C12orf50: variants seen among roughly 807,000 people sequenced by gnomAD.
C12orf50 encodes the protein uncharacterized protein C12orf50.
In C12orf50, 35 loss-of-function variants were observed where a neutral mutation model predicts 61.6. The ratio of observed to expected loss-of-function variants is 0.57; its 90% CI spans 0.43 to 0.75. The LOEUF is 0.75. Ranked by LOEUF, C12orf50 falls within the 30% of genes least tolerant of loss-of-function variation. The probability of loss-of-function intolerance (pLI) is 0.00; values close to 1 mark genes in which losing one functional copy is unlikely to be tolerated. For synonymous variants in C12orf50, 178 were observed against 161.5 expected (o/e 1.10, Z -0.77); for missense variants, 475 against 488.5 (o/e 0.97, Z 0.26).
rs1592649255 is a variant in C12orf50, at chr12:87,989,173, C to T, written c.700+91G>A. The T allele has an allele frequency of 4.7e-6, 4 of 845,976 alleles. No homozygotes were observed. The East Asian group carries it at 8.2e-5, about 17-fold the overall frequency. The allele number at this position is 845,976 out of a possible 1,614,324, so 52.4% of individuals were successfully genotyped here. The stretch of plus-strand genomic sequence containing the variant: ...TTCAGTGTATATTTTGATTTATTAC[C>T]ATTCCTCTATTGGTTTTTATAACAA... On this transcript the variant is annotated intron_variant, in intron 8 of 12. Coordinates refer to ENST00000298699, the MANE Select transcript of C12orf50 (RefSeq NM_152589.3).
At chr12:88,014,591 G>A (rs1171750640) in intron 3 of C12orf50, among the ~76,000 whole-genome samples, 2 of 152,126 alleles carry the variant, frequency 1.3e-5, no homozygotes, top group Admixed American at 6.5e-5. Flanking sequence ...GAGCCACCGC[G>A]CCTGGCTGAG....
intron 6 of C12orf50, among the ~76,000 whole-genome samples, 187 bp from the exon 7 acceptor site, chr12:87,994,930 A>T (rs924408892): frequency 2.6e-5 from 4 of 152,246 alleles, no homozygotes; most frequent in African/African-American, 9.6e-5. Flanking sequence ...CAAAGAAGTA[A>T]GCAAGTATAT....
At chr12:87,982,767 T>C (rs1254546109) in intron 12 of C12orf50, among the ~76,000 whole-genome samples, 4 of 148,490 alleles carry the variant, frequency 2.7e-5, no homozygotes, top group African/African-American at 1.0e-4. Context: ...TGTGTTAAAA[T>C]ACAGTTTTAC....
rs775915157 is a variant in C12orf50 at position 87,986,045 on chromosome 12, C to A, written c.931G>T (p.Ala311Ser). Residue 311 changes from alanine to serine, a missense_variant, in exon 11 of 13, where the codon GCC becomes TCC. Physicochemically the swap from Ala to Ser is moderately conservative, Grantham distance 99. Transcript: ENST00000298699. ...PNSGMQRAVQAPRPQNKMSYH... is the reference protein window; with the variant it reads ...PNSGMQRAVQSPRPQNKMSYH... Reference sequence around the variant, plus strand: ...CTCATTTTATTTTGGGGTCTTGGGGCCTGTACTGCTGTAAAGAAAGGTGGG... The same window carrying A: ...CTCATTTTATTTTGGGGTCTTGGGGACTGTACTGCTGTAAAGAAAGGTGGG... 3 of 1,613,530 alleles carry A rather than the reference C, an allele frequency of 1.9e-6. No homozygotes were observed. Among genetic ancestry groups the A allele is most frequent in the Non-Finnish European group, 2.5e-6 (3 of 1,179,676 alleles).
At chr12:88,019,576 G>A (rs2032438255) in intron 3 of C12orf50, among the ~76,000 whole-genome samples, 1 of 151,944 alleles carries the variant, frequency 6.6e-6, no homozygotes, top group Non-Finnish European at 1.5e-5. Flanking sequence ...TCACTGACAT[G>A]TGGATCATAT....
chr12:88,019,812 C>G (rs991733158), intron 3 of C12orf50, among the ~76,000 whole-genome samples: 22 of 152,060 alleles, frequency 1.4e-4, no homozygotes, highest in African/African-American at 5.3e-4. Flanking sequence ...ACCTACAAAG[C>G]GAAGTCCATC....
At chr12:87,981,846 CT>C (rs2030491099) in intron 12 of C12orf50, among the ~76,000 whole-genome samples, 1 of 152,066 alleles carries the variant, frequency 6.6e-6, no homozygotes. Context: ...TGTCTTCCCC[CT>C]AACCCAGATA....
intron 3 of C12orf50, among the ~76,000 whole-genome samples, chr12:88,022,634 T>C (rs951968333): frequency 6.6e-6 from 1 of 152,168 alleles, no homozygotes; most frequent in Admixed American, 6.5e-5. Context: ...AGTGCTTTGA[T>C]CTGATAAACA....
chr12:88,020,820 T>A (rs76331655), intron 3 of C12orf50, among the ~76,000 whole-genome samples: 12,214 of 147,130 alleles, frequency 0.083, 1,289 homozygotes, highest in African/African-American at 0.26. Flanking sequence ...AAAAAAAAAA[T>A]ACATCATACC....
At chr12:88,028,993 G>A (rs1258911180) in intron 1 of C12orf50, 2 of 810,812 alleles carry the variant, frequency 2.5e-6, no homozygotes, top group Admixed American at 4.3e-5. Flanking sequence ...AGCAATACAA[G>A]TTATTGCCAT....
chr12:87,985,928 G>A lies in C12orf50; in HGVS notation c.1048C>T (p.Pro350Ser). 1.2e-6 allele frequency: 2 copies of A among 1,613,870 alleles called. No homozygotes were observed. The highest frequency in any genetic ancestry group is 1.7e-6 in the Non-Finnish European group (2 of 1,179,876). ...DAVRTVALNA[P>S]SRSRPTHGSY... The stretch of plus-strand genomic sequence containing the variant: ...CCATGCGTGGGCCTGCTGCGGGAAG[G>A]TGCATTCAACGCGACAGTCCTGACA... The change falls in exon 11 of 13, where the codon CCT becomes TCT. Residue 350 changes from proline (P) to serine (S), a missense_variant. Coordinates refer to ENST00000298699, the MANE Select transcript of C12orf50 (RefSeq NM_152589.3).
rs775741637 is a variant in C12orf50 at position 87,996,502 on chromosome 12, G to C, written c.368-15C>G. 5.0e-6 allele frequency: 8 copies of C among 1,594,228 alleles called. No individual in the cohort carries two copies. The highest frequency in any genetic ancestry group is 6.9e-6 in the Non-Finnish European group (8 of 1,162,520). ...GTAGTATTCCCCTAATCAACCATAAGAAAAGTAATGGTTAGTATATTTATC... is the reference window on the plus strand; with the variant it reads ...GTAGTATTCCCCTAATCAACCATAACAAAAGTAATGGTTAGTATATTTATC... On this transcript the variant is annotated splice_polypyrimidine_tract_variant and intron_variant, in intron 5 of 12. Coordinates refer to ENST00000298699, the MANE Select transcript of C12orf50 (RefSeq NM_152589.3).
At chr12:88,007,069 G>T (rs2031914341) in intron 3 of C12orf50, among the ~76,000 whole-genome samples, 1 of 152,168 alleles carries the variant, frequency 6.6e-6, no homozygotes, top group African/African-American at 2.4e-5. Context: ...CTAGGGAACA[G>T]GTTCATGGAA....
At chr12:88,016,901 G>A (rs987977928) in intron 3 of C12orf50, among the ~76,000 whole-genome samples, 1 of 152,194 alleles carries the variant, frequency 6.6e-6, no homozygotes, top group Non-Finnish European at 1.5e-5. Context: ...AAGTGTGTAA[G>A]GCATGCTTGG....
chr12:88,000,908 C>G (rs1313715074), intron 3 of C12orf50, among the ~76,000 whole-genome samples: 1 of 151,656 alleles, frequency 6.6e-6, no homozygotes, highest in African/African-American at 2.4e-5. Context: ...AAATTTATTT[C>G]TAATAATTTT....
At chr12:88,001,123 G>C (rs903393275) in intron 3 of C12orf50, among the ~76,000 whole-genome samples, 2 of 151,620 alleles carry the variant, frequency 1.3e-5, no homozygotes, top group African/African-American at 2.4e-5. Flanking sequence ...TATGCTATCA[G>C]CTGTGGATTT....
chr12:88,010,078 A>G (rs774218776), intron 3 of C12orf50, among the ~76,000 whole-genome samples: 4 of 152,054 alleles, frequency 2.6e-5, no homozygotes, highest in African/African-American at 4.8e-5. Context: ...CAAGTGTCCA[A>G]TCCGTTTCCA....
chr12:87,986,150 A>C, intron 10 of C12orf50, 97 bp from the exon 11 acceptor site: 1 of 1,349,558 alleles, frequency 7.4e-7, no homozygotes, highest in Non-Finnish European at 1.0e-6. Flanking sequence ...GCATAATGGA[A>C]GCCAATAGAA....
At chr12:88,019,872 G>A (rs2032451496) in intron 3 of C12orf50, among the ~76,000 whole-genome samples, 1 of 152,128 alleles carries the variant, frequency 6.6e-6, no homozygotes, top group Non-Finnish European at 1.5e-5. Context: ...AGAAAAGATT[G>A]GAAGCCTACA....
Sources: allele counts gnomAD v4.1 joint callset (sites outside exome capture counted in the v4.1 genomes callset), GRCh38; gene constraint gnomAD v4.1.1; transcripts MANE v1.5; gene names NCBI Gene and HGNC (gene_info 2026-07-23, HGNC 2026-07-21).